PLXDC2: variants seen among roughly 807,000 people sequenced by gnomAD.
The protein encoded by PLXDC2 is plexin domain containing 2.
A neutral mutation model predicts 68.9 loss-of-function variants in PLXDC2; 40 were observed. The observed-to-expected ratio is 0.58, with a 90% CI of 0.45 to 0.76. PLXDC2 has a LOEUF of 0.76. PLXDC2 is among the 30% of genes least tolerant of loss of function. The pLI is 0.00. For synonymous variants in PLXDC2, 243 were observed against 234.2 expected, an observed-to-expected ratio of 1.04 and a Z score of -0.34; for missense variants, 644 against 661.9, an observed-to-expected ratio of 0.97 and a Z score of 0.30.
intron 9 of PLXDC2, among the ~76,000 whole-genome samples, chr10:20,186,582 G>T (rs1293905257): frequency 6.6e-6 from 1 of 151,698 alleles, no homozygotes; most frequent in Admixed American, 6.6e-5. Context: ...CCGCCCTCTG[G>T]TAGGCCTCAG....
chr10:19,893,551 C>A (rs2131361784), intron 1 of PLXDC2, among the ~76,000 whole-genome samples: 1 of 152,252 alleles, frequency 6.6e-6, no homozygotes, highest in East Asian at 1.9e-4. Context: ...CACCTGATAA[C>A]TTTGGGGCTT....
At chr10:19,838,683 A>G (rs976754179) in intron 1 of PLXDC2, among the ~76,000 whole-genome samples, 4 of 152,232 alleles carry the variant, frequency 2.6e-5, no homozygotes, top group Non-Finnish European at 5.9e-5. Context: ...TTCCATCTGA[A>G]TTATGCTTAA....
intron 6 of PLXDC2, among the ~76,000 whole-genome samples, chr10:20,148,164 A>G (rs184197316): frequency 6.6e-6 from 1 of 152,310 alleles, no homozygotes; most frequent in Non-Finnish European, 1.5e-5. Flanking sequence ...TTGACTAATT[A>G]TTGAGTAATT....
intron 1 of PLXDC2, among the ~76,000 whole-genome samples, chr10:19,855,020 T>C (rs1178357514): frequency 6.6e-6 from 1 of 152,222 alleles, no homozygotes; most frequent in Non-Finnish European, 1.5e-5. Flanking sequence ...TTACTATGAA[T>C]AGATTCAACT....
intron 1 of PLXDC2, among the ~76,000 whole-genome samples, chr10:19,941,974 GAA>G (rs199597958): frequency 1.7e-4 from 19 of 111,708 alleles, no homozygotes; most frequent in Admixed American, 1.8e-4. Flanking sequence ...GACATTTAGA[GAA>G]AAAAAAAAAA....
intron 3 of PLXDC2, among the ~76,000 whole-genome samples, chr10:20,062,282 G>C (rs1836119475): frequency 6.6e-6 from 1 of 152,118 alleles, no homozygotes; most frequent in Non-Finnish European, 1.5e-5. Context: ...AAATCAGCTG[G>C]GTATGGTGGC....
At chr10:20,132,769 TTA>T (rs1491513419) in intron 4 of PLXDC2, among the ~76,000 whole-genome samples, 3 of 26,940 alleles carry the variant, frequency 1.1e-4, no homozygotes, top group African/African-American at 2.5e-4. Context: ...AGTTTGATCT[TTA>T]AAAAAAAAAA....
chr10:19,890,880 A>G (rs1338291627), intron 1 of PLXDC2, among the ~76,000 whole-genome samples: 2 of 151,920 alleles, frequency 1.3e-5, no homozygotes, highest in African/African-American at 4.8e-5. Context: ...CCCAGCATAT[A>G]TATGCTCCCT....
intron 4 of PLXDC2, among the ~76,000 whole-genome samples, chr10:20,079,022 C>T (rs1386091165): frequency 6.6e-6 from 1 of 151,378 alleles, no homozygotes; most frequent in African/African-American, 2.4e-5. Flanking sequence ...GCCCAGAAAC[C>T]ATAAATAAAA....
intron 4 of PLXDC2, among the ~76,000 whole-genome samples, chr10:20,140,978 T>C (rs1001309023): frequency 2.0e-5 from 3 of 152,110 alleles, no homozygotes; most frequent in Non-Finnish European, 4.4e-5. Context: ...TTGTTCATTT[T>C]GGTTGTAGCA....
rs1485307797 is a variant in PLXDC2, at chr10:20,289,616, C to G, written c.*9797C>G. On this transcript the variant is annotated 3_prime_UTR_variant, in exon 14 of 14. Transcript: ENST00000377252. ...TTCTGAATATTCCTTCCCCTTTTCC[C>G]AATCCTCCACTCTTGGACTACCTTT... 6.6e-6 allele frequency: 1 copy of G among 152,174 alleles called. No homozygotes were observed. Among genetic ancestry groups the G allele is most frequent in the Non-Finnish European group, 1.5e-5 (1 of 68,050 alleles). The allele number at this position is 152,174 out of a possible 1,614,324, so 9.4% of individuals were successfully genotyped here.
intron 4 of PLXDC2, among the ~76,000 whole-genome samples, chr10:20,077,940 C>T (rs895948696): frequency 4.6e-5 from 7 of 152,060 alleles, no homozygotes; most frequent in Admixed American, 1.3e-4. Context: ...TCCTTCTCCC[C>T]TTCTTTTTCT....
At chr10:20,121,122 GAGC>G (rs1833691562) in intron 4 of PLXDC2, among the ~76,000 whole-genome samples, 8 of 152,212 alleles carry the variant, frequency 5.3e-5, no homozygotes, top group Admixed American at 4.6e-4. Flanking sequence ...AGGAGCTGGG[GAGC>G]AGAAAGTATA....
At chr10:20,239,222 A>G (rs1021925982) in intron 12 of PLXDC2, among the ~76,000 whole-genome samples, 2 of 152,216 alleles carry the variant, frequency 1.3e-5, no homozygotes, top group African/African-American at 4.8e-5. Flanking sequence ...GTGAAAGCTC[A>G]TAAGATGTTT....
chr10:20,153,260 ATTGAACCATTC>A, intron 6 of PLXDC2, among the ~76,000 whole-genome samples: 1 of 152,228 alleles, frequency 6.6e-6, no homozygotes, highest in Admixed American at 6.5e-5. Flanking sequence ...AAAATGAACC[ATTGAACCATTC>A]AGTCATGTAT....
chr10:20,189,542 T>TATAC (rs1554773640), intron 9 of PLXDC2, among the ~76,000 whole-genome samples: 3 of 118,994 alleles, frequency 2.5e-5, no homozygotes, highest in African/African-American at 8.7e-5. Context: ...CACATATATA[T>TATAC]ACACACACAC....
chr10:19,900,806 G>A (rs140130302), intron 1 of PLXDC2, among the ~76,000 whole-genome samples: 3,047 of 151,586 alleles, frequency 0.02, 41 homozygotes, highest in Middle Eastern at 0.082. Flanking sequence ...CTTTTTATGC[G>A]TTTGTTTCCT....
chr10:20,052,934 G>A (rs1007532289), intron 3 of PLXDC2, among the ~76,000 whole-genome samples: 4 of 151,876 alleles, frequency 2.6e-5, no homozygotes, highest in African/African-American at 7.3e-5. Flanking sequence ...TTTTACCTAG[G>A]AACATTTTTT....
intron 4 of PLXDC2, among the ~76,000 whole-genome samples, chr10:20,078,400 A>G (rs1836489503): frequency 6.6e-6 from 1 of 152,162 alleles, no homozygotes; most frequent in African/African-American, 2.4e-5. Context: ...ATAGAATAAA[A>G]TCTAATAACT....
Sources: allele counts gnomAD v4.1 joint callset (sites outside exome capture counted in the v4.1 genomes callset), GRCh38; gene constraint gnomAD v4.1.1; transcripts MANE v1.5; gene names NCBI Gene and HGNC (gene_info 2026-07-23, HGNC 2026-07-21).